PRLR: variants seen among roughly 807,000 people sequenced by gnomAD.
PRLR encodes prolactin receptor, also known as hPRL receptor.
In PRLR, 13 loss-of-function variants were observed where a neutral mutation model predicts 40.2. That is an observed-to-expected ratio of 0.32 (90% confidence interval 0.21 to 0.51). PRLR has a LOEUF of 0.51. PRLR is among the 20% of genes least tolerant of loss of function. The probability of loss-of-function intolerance (pLI) is 0.97; values close to 1 mark genes in which losing one functional copy is unlikely to be tolerated. For synonymous variants in PRLR, 269 were observed against 278.7 expected, an observed-to-expected ratio of 0.97 and a Z score of 0.35; for missense variants, 656 against 747.3, an observed-to-expected ratio of 0.88 and a Z score of 1.42.
At chr5:35,196,940 G>A (rs1214039512) in intron 1 of PRLR, among the ~76,000 whole-genome samples, 1 of 152,104 alleles carries the variant, frequency 6.6e-6, no homozygotes, top group Non-Finnish European at 1.5e-5. Context: ...CTCACATGGT[G>A]GAAAAAGGTG....
At chr5:35,229,442 C>T (rs1428546769) in intron 1 of PRLR, among the ~76,000 whole-genome samples, 1 of 152,106 alleles carries the variant, frequency 6.6e-6, no homozygotes, top group Non-Finnish European at 1.5e-5. Context: ...GTAGAGGTCA[C>T]TAAAAGGATA....
chr5:35,131,843 G>A (rs1180714405), intron 1 of PRLR, among the ~76,000 whole-genome samples: 5 of 152,158 alleles, frequency 3.3e-5, no homozygotes, highest in Non-Finnish European at 7.4e-5. Context: ...GCCAGTGATA[G>A]TGCTCTGAGT....
intron 1 of PRLR, among the ~76,000 whole-genome samples, chr5:35,191,392 C>G (rs1226693671): frequency 6.6e-6 from 1 of 151,864 alleles, no homozygotes; most frequent in Admixed American, 6.6e-5. Context: ...TTTCAAGAAA[C>G]CTCTCTCCCC....
downstream of PRLR, among the ~76,000 whole-genome samples, chr5:35,052,954 T>A (rs1433949935): frequency 6.6e-6 from 1 of 152,230 alleles, no homozygotes; most frequent in Non-Finnish European, 1.5e-5. Flanking sequence ...GGCTCCCATG[T>A]CACATAAAAC....
At chr5:35,218,154 G>A (rs1776330224) in intron 1 of PRLR, among the ~76,000 whole-genome samples, 1 of 152,112 alleles carries the variant, frequency 6.6e-6, no homozygotes, top group African/African-American at 2.4e-5. Flanking sequence ...ATTGAGTATA[G>A]TTTACTGCAA....
intron 2 of PRLR, among the ~76,000 whole-genome samples, chr5:35,109,841 G>A (rs550394472): frequency 1.1e-4 from 17 of 152,216 alleles, no homozygotes; most frequent in African/African-American, 2.2e-4. Context: ...TGGAAATACC[G>A]TTTGACCCAG....
rs1769012857 is a variant in PRLR, at chr5:35,061,112, A to C, written c.*3977T>G. 1 of 151,960 alleles carries C rather than the reference A, an allele frequency of 6.6e-6. No homozygotes were observed. Among genetic ancestry groups the C allele is most frequent in the South Asian group, 2.1e-4 (1 of 4,832 alleles). 9.4% of individuals were successfully genotyped at this position (151,960 alleles called of 1,614,324 possible). ...CTCATCTCTCCATTCATACATATCT[A>C]TATCTATATCTATATATATATATAA... On this transcript the variant is annotated 3_prime_UTR_variant, in exon 10 of 10. Coordinates refer to ENST00000618457, the MANE Select transcript of PRLR (RefSeq NM_000949.7).
Position 35,057,754 on chromosome 5 carries a change from GT to G in PRLR, c.*7334del, listed in dbSNP as rs1401257565. ...ACTATAGTCTTCTATAAATCTTTAA[GT>G]CTAAAAAAATAGACATTACAATAAC... is the stretch of plus-strand genomic sequence containing the variant. On this transcript the variant is annotated 3_prime_UTR_variant, in exon 10 of 10. Coordinates refer to ENST00000618457, the MANE Select transcript of PRLR (RefSeq NM_000949.7). The G allele has an allele frequency of 6.6e-6, 1 of 152,046 alleles. No homozygotes were observed. Among genetic ancestry groups the G allele is most frequent in the African/African-American group, 2.4e-5 (1 of 41,412 alleles). 9.4% of individuals were successfully genotyped at this position (152,046 alleles called of 1,614,324 possible). A position where few individuals can be genotyped will look rare whatever the true frequency, so the allele number is the denominator to read the frequency against.
intron 9 of PRLR, among the ~76,000 whole-genome samples, chr5:35,066,860 T>G (rs1176024907): frequency 5.4e-5 from 8 of 148,778 alleles, no homozygotes; most frequent in Non-Finnish European, 1.0e-4. Context: ...GCCTCCCGGG[T>G]TCACGCCATT....
chr5:35,197,777 C>T (rs1394850094), intron 1 of PRLR, among the ~76,000 whole-genome samples: 2 of 152,248 alleles, frequency 1.3e-5, no homozygotes, highest in African/African-American at 2.4e-5. Context: ...TCAGTATAGT[C>T]GCTGACTGCA....
chr5:35,086,365 A>G, intron 3 of PRLR, 25 bp from the exon 4 acceptor site: 1 of 1,611,724 alleles, frequency 6.2e-7, no homozygotes, highest in East Asian at 2.2e-5. Flanking sequence ...AAGCCACTGC[A>G]TCAATATTGA....
chr5:35,211,788 GTATAA>G (rs1416171362), intron 1 of PRLR, among the ~76,000 whole-genome samples: 1 of 152,168 alleles, frequency 6.6e-6, no homozygotes, highest in Non-Finnish European at 1.5e-5. Context: ...ATAAATTCAT[GTATAA>G]TATGATACCA....
intron 1 of PRLR, among the ~76,000 whole-genome samples, chr5:35,186,521 C>T (rs1234767795): frequency 2.0e-5 from 3 of 152,130 alleles, no homozygotes; most frequent in East Asian, 3.9e-4. Context: ...GGCATTTATG[C>T]CTTATTGAGG....
intron 1 of PRLR, among the ~76,000 whole-genome samples, chr5:35,131,651 T>C (rs1329289829): frequency 2.0e-5 from 3 of 152,150 alleles, no homozygotes; most frequent in Non-Finnish European, 4.4e-5. Flanking sequence ...AGATAAGGAA[T>C]GAATCTCTGG....
At chr5:35,170,187 A>G (rs79880058) in intron 1 of PRLR, among the ~76,000 whole-genome samples, 6,157 of 152,320 alleles carry the variant, frequency 0.04, 155 homozygotes, top group Middle Eastern at 0.11. Flanking sequence ...ATGTGCTGCA[A>G]TATAAGCAGC....
chr5:35,122,087 A>C (rs753706821), intron 1 of PRLR, among the ~76,000 whole-genome samples: 5 of 152,226 alleles, frequency 3.3e-5, no homozygotes, highest in Non-Finnish European at 5.9e-5. Context: ...AAAAGACAAT[A>C]AATATTTCTT....
At chr5:35,117,968 A>T (rs1773123438) in intron 2 of PRLR, 93 bp downstream of exon 2, 3 of 648,630 alleles carry the variant, frequency 4.6e-6, no homozygotes, top group Non-Finnish European at 3.8e-6. Flanking sequence ...GATATTCTGT[A>T]AACCAAGATA....
intron 1 of PRLR, among the ~76,000 whole-genome samples, chr5:35,216,660 G>A (rs1467642148): frequency 2.0e-5 from 3 of 152,190 alleles, no homozygotes; most frequent in African/African-American, 7.2e-5. Context: ...TTTGAGTCCA[G>A]ACCTATATAG....
At chr5:35,087,816 C>T (rs1770952687) in intron 3 of PRLR, among the ~76,000 whole-genome samples, 1 of 152,170 alleles carries the variant, frequency 6.6e-6, no homozygotes, top group Non-Finnish European at 1.5e-5. Context: ...TGGGAATTTG[C>T]CCTGATACTG....
Sources: allele counts gnomAD v4.1 joint callset (sites outside exome capture counted in the v4.1 genomes callset), GRCh38; gene constraint gnomAD v4.1.1; transcripts MANE v1.5; gene names NCBI Gene and HGNC (gene_info 2026-07-23, HGNC 2026-07-21).